DENND1B: variants seen among roughly 807,000 people sequenced by gnomAD.
DENND1B encodes the protein DENN domain-containing protein 1B.
Under a neutral mutation model 90.1 loss-of-function variants are expected in DENND1B, and 59 were observed. The observed-to-expected ratio is 0.65, with a 90% confidence interval of 0.53 to 0.81. The LOEUF (loss-of-function observed/expected upper bound fraction) is 0.81, where lower values mean the gene tolerates loss of function less well. Among genes scored for constraint, DENND1B ranks in the 40% least tolerant of loss-of-function variants. DENND1B has a pLI of 0.00. For synonymous variants in DENND1B, 337 were observed against 324.6 expected (o/e 1.04, Z -0.41); for missense variants, 862 against 912.6 (o/e 0.94, Z 0.71).
intron 20 of DENND1B, among the ~76,000 whole-genome samples, chr1:197,517,038 C>T (rs937375149): frequency 2.0e-5 from 3 of 151,880 alleles, no homozygotes; most frequent in African/African-American, 4.8e-5. Context: ...GTTATCTGCT[C>T]GTGTGTCTGC....
chr1:197,667,821 A>AAAAAATG (rs142297513), intron 5 of DENND1B, among the ~76,000 whole-genome samples: 5,049 of 152,268 alleles, frequency 0.033, 285 homozygotes, highest in African/African-American at 0.11. Flanking sequence ...TTTACCTGGT[A>AAAAAATG]ATATAGCTAA....
At chr1:197,636,163 T>A (rs1679772963) in intron 10 of DENND1B, among the ~76,000 whole-genome samples, 1 of 151,916 alleles carries the variant, frequency 6.6e-6, no homozygotes, top group South Asian at 2.1e-4. Flanking sequence ...GAAGGATTAA[T>A]TACATATAGG....
chr1:197,719,052 G>T (rs369393600), intron 2 of DENND1B, among the ~76,000 whole-genome samples: 7 of 152,046 alleles, frequency 4.6e-5, no homozygotes, highest in African/African-American at 1.7e-4. Context: ...CTGAAGAATG[G>T]CAACTATATT....
chr1:197,626,267 T>C (rs1300592139), intron 10 of DENND1B, among the ~76,000 whole-genome samples: 1 of 152,068 alleles, frequency 6.6e-6, no homozygotes, highest in African/African-American at 2.4e-5. Flanking sequence ...ACCACATAGT[T>C]GGAAGTAAAG....
At chr1:197,572,081 C>A (rs1327765912) in intron 15 of DENND1B, among the ~76,000 whole-genome samples, 3 of 152,118 alleles carry the variant, frequency 2.0e-5, no homozygotes, top group African/African-American at 4.8e-5. Flanking sequence ...GTGGGTACAG[C>A]CCACAGAGGG....
rs536704438 is a variant in DENND1B at position 197,764,052 on chromosome 1, C to G, written c.82+8816G>C. Among the ~76,000 whole-genome samples the G allele has an allele frequency of 2.0e-5, 3 of 152,316 alleles. No homozygotes were observed. In the South Asian group the frequency reaches 6.2e-4, roughly 32 times the overall value. ...AATTCTGGTCAAGCCTAGAATCAGT[C>G]AGGGGTTTTCTAAAACGAGTGGCTT... On this transcript the variant is annotated intron_variant, in intron 2 of 22. Transcript: ENST00000620048.
Position 197,652,260 on chromosome 1 carries a change from G to A in DENND1B, c.422C>T (p.Ala141Val), listed in dbSNP as rs765599500. 2 of 1,611,340 alleles carry A rather than the reference G, an allele frequency of 1.2e-6. No homozygotes were observed. The highest frequency in any genetic ancestry group is 2.2e-5 in the South Asian group (2 of 90,596). Residue 141 changes from alanine (A) to valine (V), a missense_variant, in exon 7 of 23, where the codon GCA (alanine) becomes GTA (valine). Physicochemically the swap from Ala to Val is moderately conservative, Grantham distance 64. Coordinates refer to ENST00000620048, the MANE Select transcript of DENND1B (RefSeq NM_001195215.2). The part of the protein sequence containing the change: ...RSLYNHPVPK[A>V]NTPVNLSVNQ... ...CACACTCAAATTTACAGGAGTATTT[G>A]CCTTTGGTACTGGGTGGTTATACAG...
At chr1:197,584,243 G>C (rs1674498867) in intron 14 of DENND1B, among the ~76,000 whole-genome samples, 1 of 151,940 alleles carries the variant, frequency 6.6e-6, no homozygotes, top group Non-Finnish European at 1.5e-5. Flanking sequence ...TCTGAAAATA[G>C]GTTCCTGTAT....
chr1:197,572,048 A>G (rs1231273572), intron 15 of DENND1B, among the ~76,000 whole-genome samples: 3 of 152,100 alleles, frequency 2.0e-5, no homozygotes, highest in Admixed American at 1.3e-4. Flanking sequence ...TACATGGTTC[A>G]TCTCATTGGG....
At chr1:197,730,145 T>C (rs1004428956) in intron 2 of DENND1B, among the ~76,000 whole-genome samples, 4 of 152,084 alleles carry the variant, frequency 2.6e-5, no homozygotes, top group African/African-American at 4.8e-5. Flanking sequence ...CTAATTAAGA[T>C]TTTCTTTAAA....
At chr1:197,528,639 T>A (rs961188348) in intron 20 of DENND1B, among the ~76,000 whole-genome samples, 6 of 152,102 alleles carry the variant, frequency 3.9e-5, no homozygotes, top group Non-Finnish European at 7.4e-5. Context: ...GGCGGGCGGA[T>A]CACGAGATCA....
chr1:197,591,625 T>C (rs1424603629), intron 14 of DENND1B, among the ~76,000 whole-genome samples: 1 of 152,070 alleles, frequency 6.6e-6, no homozygotes, highest in Admixed American at 6.6e-5. Context: ...AAACCATAAA[T>C]GGAAAGAGAC....
intron 20 of DENND1B, among the ~76,000 whole-genome samples, chr1:197,524,866 A>G (rs1285275123): frequency 6.6e-6 from 1 of 152,184 alleles, no homozygotes; most frequent in Non-Finnish European, 1.5e-5. Flanking sequence ...AGAAATCTGC[A>G]TATTAGATTT....
At chr1:197,618,265 G>C (rs1280376287) in intron 10 of DENND1B, among the ~76,000 whole-genome samples, 1 of 151,104 alleles carries the variant, frequency 6.6e-6, no homozygotes, top group African/African-American at 2.4e-5. Flanking sequence ...TTGAATGTTC[G>C]ACAGTTGGAG....
chr1:197,705,323 T>C (rs1659419220), intron 3 of DENND1B, among the ~76,000 whole-genome samples: 1 of 152,170 alleles, frequency 6.6e-6, no homozygotes, highest in Non-Finnish European at 1.5e-5. Context: ...ATGACATAGA[T>C]ACACAAAATG....
At chr1:197,753,943 T>C (rs1653917713) in intron 2 of DENND1B, among the ~76,000 whole-genome samples, 1 of 152,028 alleles carries the variant, frequency 6.6e-6, no homozygotes, top group African/African-American at 2.4e-5. Flanking sequence ...GAGGTTGCAG[T>C]GAGCCGAGAT....
At chr1:197,552,693 T>C in intron 16 of DENND1B, 1 of 1,070,144 alleles carries the variant, frequency 9.3e-7, no homozygotes, top group Non-Finnish European at 1.1e-6. Context: ...CACTAGTAGT[T>C]TTCTAGCAGA....
chr1:197,553,837 G>T (rs895350379), intron 15 of DENND1B, among the ~76,000 whole-genome samples: 1 of 152,010 alleles, frequency 6.6e-6, no homozygotes, highest in African/African-American at 2.4e-5. Flanking sequence ...ATATGCATGA[G>T]GTTATTTTAG....
chr1:197,521,507 C>G (rs954723087), intron 20 of DENND1B, among the ~76,000 whole-genome samples: 1 of 151,900 alleles, frequency 6.6e-6, no homozygotes, highest in Non-Finnish European at 1.5e-5. Flanking sequence ...TAGGTACAAT[C>G]TGTACTACCC....
Sources: gnomAD v4.1 joint callset for allele counts (sites outside exome capture counted in the v4.1 genomes callset) on GRCh38, gnomAD v4.1.1 for gene constraint, MANE v1.5 for transcripts, NCBI Gene and HGNC (gene_info 2026-07-23, HGNC 2026-07-21) for gene names.